Variants in FRMPD1 observed in about 807,000 individuals in gnomAD.
FRMPD1 encodes FERM and PDZ domain containing 1.
Under a neutral mutation model 117.8 loss-of-function variants are expected in FRMPD1, and 76 were observed. The observed-to-expected ratio is 0.65, with a 90% CI of 0.54 to 0.78. The LOEUF (loss-of-function observed/expected upper bound fraction) is 0.78, where lower values mean the gene tolerates loss of function less well. Ranked by LOEUF, FRMPD1 falls within the 30% of genes least tolerant of loss-of-function variation. The pLI, the probability that FRMPD1 is intolerant of heterozygous loss-of-function variation, is 0.00. For synonymous variants in FRMPD1, 783 were observed against 770.4 expected, an observed-to-expected ratio of 1.02 and a Z score of -0.27; for missense variants, 1,786 against 1,964.5, an observed-to-expected ratio of 0.91 and a Z score of 1.72.
chr9:37,679,007 C>T (rs1481322933), intron 1 of FRMPD1, among the ~76,000 whole-genome samples: 2 of 152,228 alleles, frequency 1.3e-5, no homozygotes, highest in African/African-American at 4.8e-5. Flanking sequence ...TCTCGGTGCT[C>T]CCCTGACCTA....
the FRMPD1 span, among the ~76,000 whole-genome samples, chr9:37,605,814 A>C: frequency 6.6e-6 from 1 of 152,028 alleles, no homozygotes; most frequent in Non-Finnish European, 1.5e-5. Context: ...TCTTGGGCTG[A>C]AGGGATCCTC....
In FRMPD1 at chr9:37,740,648, A is replaced by G; in HGVS notation, c.2120A>G (p.Tyr707Cys). The change falls in exon 15 of 16, where the codon TAC becomes TGC. Residue 707 changes from tyrosine (Y) to cysteine (C), a missense_variant. Tyr to Cys is a radical substitution (Grantham distance 194). Coordinates refer to ENST00000377765, the MANE Select transcript of FRMPD1 (RefSeq NM_014907.3). The surrounding 1 kb of genome is among the most constrained non-coding windows in gnomAD (Gnocchi z 4.2). ...RLYEGSHADY[Y>C]SLCSSVSPAS... Reference sequence around the variant, plus strand: ...TATGAAGGCAGCCACGCTGACTACTACAGCCTGTGTTCCAGTGTCTCCCCG... The same window carrying G: ...TATGAAGGCAGCCACGCTGACTACTGCAGCCTGTGTTCCAGTGTCTCCCCG... 2 of 1,614,170 alleles carry G rather than the reference A, an allele frequency of 1.2e-6. No individual in the cohort carries two copies. Among genetic ancestry groups the G allele is most frequent in the Non-Finnish European group, 1.7e-6 (2 of 1,180,016 alleles).
At chr9:37,605,180 A>G in the FRMPD1 span, among the ~76,000 whole-genome samples, 2 of 152,212 alleles carry the variant, frequency 1.3e-5, no homozygotes, top group Non-Finnish European at 2.9e-5. Context: ...TGGGAAGGTA[A>G]TGGACTTTGC....
At position 37,733,473 on chromosome 9, in the gene FRMPD1, G is replaced by C; in HGVS notation, c.996G>C (p.Glu332Asp). ...QPQKISLKYIEKDWGIENFIS... is the reference protein window; with the variant it reads ...QPQKISLKYIDKDWGIENFIS... ...CCTTGTCTCCAATGTCTCATGGCAG[G>C]AAAGACTGGGGAATAGAGAACTTTA... The change falls in exon 11 of 16, where the codon GAG (glutamate) becomes GAC (aspartate). Residue 332 changes from glutamate to aspartate, a missense_variant and splice_region_variant. Transcript: ENST00000377765. 6.2e-7 allele frequency: 1 copy of C among 1,612,940 alleles called. No individual in the cohort carries two copies.
chr9:37,616,117 CTTTTTTTT>C, the FRMPD1 span, among the ~76,000 whole-genome samples: 1 of 96,770 alleles, frequency 1.0e-5, no homozygotes, highest in African/African-American at 4.1e-5. Context: ...GTGCCCAGCC[CTTTTTTTT>C]TTTTTTTTTT....
At chr9:37,735,441 G>T in intron 12 of FRMPD1, 111 bp from the exon 13 acceptor site, 1 of 776,866 alleles carries the variant, frequency 1.3e-6, no homozygotes, top group Non-Finnish European at 2.2e-6. Flanking sequence ...TGGTGGTTAG[G>T]ATCCAAAGTA....
At position 37,724,428 on chromosome 9, in the gene FRMPD1, G is replaced by A. The variant is rs574000589; in HGVS notation, c.612+108G>A. 1.0e-5 allele frequency: 6 copies of A among 592,542 alleles called. No homozygotes were observed. In the African/African-American group the frequency reaches 1.1e-4, roughly 11 times the overall value. The allele number at this position is 592,542 out of a possible 1,614,324, so 36.7% of individuals were successfully genotyped here. A position where few individuals can be genotyped will look rare whatever the true frequency, so the allele number is the denominator to read the frequency against. ...GCCTTGGTGGTCTCACAAACACCGTGGTCTGAGCCCCTGTAATAATAAGCC... is the reference window on the plus strand; with the variant it reads ...GCCTTGGTGGTCTCACAAACACCGTAGTCTGAGCCCCTGTAATAATAAGCC... On this transcript the variant is annotated intron_variant, in intron 7 of 15. Coordinates refer to ENST00000377765, the MANE Select transcript of FRMPD1 (RefSeq NM_014907.3).
At chr9:37,656,802 G>A (rs987499455) in intron 1 of FRMPD1, among the ~76,000 whole-genome samples, 7 of 152,082 alleles carry the variant, frequency 4.6e-5, no homozygotes, top group Non-Finnish European at 8.8e-5. Flanking sequence ...AAGTGACACA[G>A]TGTTTTCAGG....
intron 1 of FRMPD1, among the ~76,000 whole-genome samples, chr9:37,687,667 G>A (rs1821996142): frequency 6.6e-6 from 1 of 152,098 alleles, no homozygotes; most frequent in Admixed American, 6.6e-5. Context: ...ATGTTATTTT[G>A]TGTTCTTGGC....
intron 2 of FRMPD1, chr9:37,693,128 A>C: frequency 5.4e-6 from 1 of 183,798 alleles, no homozygotes; most frequent in Non-Finnish European, 1.1e-5. Context: ...ACACACACAC[A>C]TAGAGACACA....
chr9:37,625,356 G>C, the FRMPD1 span, among the ~76,000 whole-genome samples: 2 of 152,284 alleles, frequency 1.3e-5, no homozygotes, highest in East Asian at 1.9e-4. Context: ...TGATGATTTT[G>C]CCTCAGAATT....
intron 15 of FRMPD1, among the ~76,000 whole-genome samples, chr9:37,743,759 G>T (rs1032541875): frequency 1.3e-5 from 2 of 151,504 alleles, no homozygotes; most frequent in Non-Finnish European, 2.9e-5. Flanking sequence ...ACAGCTGGGT[G>T]CAGTGGCTCA....
At chr9:37,698,683 G>A (rs1484775532) in intron 2 of FRMPD1, among the ~76,000 whole-genome samples, 8 of 145,070 alleles carry the variant, frequency 5.5e-5, no homozygotes, top group African/African-American at 7.7e-5. Context: ...TGCCTCAGTC[G>A]CCCGCGTAGC....
chr9:37,609,223 C>T, the FRMPD1 span, among the ~76,000 whole-genome samples: 2 of 151,260 alleles, frequency 1.3e-5, no homozygotes, highest in African/African-American at 2.4e-5. Context: ...ACCTGGGAGG[C>T]GGAGTTTGCG....
At chr9:37,715,108 C>T (rs111576809) in intron 5 of FRMPD1, among the ~76,000 whole-genome samples, 2 of 152,112 alleles carry the variant, frequency 1.3e-5, no homozygotes, top group African/African-American at 2.4e-5. Flanking sequence ...TTCCCTAGAA[C>T]GTAGAATTTT....
In FRMPD1 at chr9:37,740,161, G is replaced by A. The variant is rs749809285; in HGVS notation, c.1633G>A (p.Val545Met). 4.3e-6 allele frequency: 7 copies of A among 1,613,772 alleles called. No homozygotes were observed. Among genetic ancestry groups the A allele is most frequent in the Non-Finnish European group, 5.9e-6 (7 of 1,179,842 alleles). The change falls in exon 15 of 16, where the codon GTG (valine) becomes ATG (methionine). Residue 545 changes from valine to methionine, a missense_variant. By Grantham distance (21) the Val-to-Met change is conservative. Coordinates refer to ENST00000377765, the MANE Select transcript of FRMPD1 (RefSeq NM_014907.3). This position sits in a 1 kb window ranked among gnomAD's most constrained non-coding sequence, Gnocchi z 4.2. ...CGAACCTCTCTCTGACAGGCGCCTG[G>A]TGAAACTGGCACCCTGCAGATCACT... ...VLEPLSDRRL[V>M]KLAPCRSLIK...
rs775189906 is a variant in FRMPD1, at chr9:37,724,295, A to G, written c.587A>G (p.Lys196Arg). Reference sequence around the variant, plus strand: ...GAGAATGGACAGACCAAAGCTTTCAAGTTTGAGGCAAACACAACCGTGAAG... The same window carrying G: ...GAGAATGGACAGACCAAAGCTTTCAGGTTTGAGGCAAACACAACCGTGAAG... ...YLENGQTKAFKFEANTTVKDI... is the reference protein window; with the variant it reads ...YLENGQTKAFRFEANTTVKDI... The change falls in exon 7 of 16, where the codon AAG becomes AGG. Residue 196 changes from lysine to arginine, a missense_variant. Coordinates refer to ENST00000377765, the MANE Select transcript of FRMPD1 (RefSeq NM_014907.3). 1.0e-5 allele frequency: 16 copies of G among 1,590,104 alleles called. No individual in the cohort carries two copies. The highest frequency in any genetic ancestry group is 1.2e-5 in the Non-Finnish European group (14 of 1,158,278).
At chr9:37,726,431 C>T (rs1823619341) in intron 7 of FRMPD1, among the ~76,000 whole-genome samples, 2 of 152,168 alleles carry the variant, frequency 1.3e-5, no homozygotes, top group South Asian at 4.1e-4. Flanking sequence ...GGTGCAGTGG[C>T]TCATGCCTGT....
chr9:37,628,820 T>A, the FRMPD1 span, among the ~76,000 whole-genome samples: 1 of 152,194 alleles, frequency 6.6e-6, no homozygotes, highest in Non-Finnish European at 1.5e-5. Flanking sequence ...CCCTATAAAA[T>A]GAATAATGGA....
Sources: gnomAD v4.1 joint callset for allele counts (sites outside exome capture counted in the v4.1 genomes callset) on GRCh38, gnomAD v4.1.1 for gene constraint, Gnocchi (gnomAD v3.1) non-coding constraint, MANE v1.5 for transcripts, NCBI Gene and HGNC (gene_info 2026-07-23, HGNC 2026-07-21) for gene names.